PTPRN2: variants seen among roughly 807,000 people sequenced by gnomAD.
PTPRN2 encodes the protein receptor-type tyrosine-protein phosphatase N2.
In PTPRN2, 74 loss-of-function variants were observed where a neutral mutation model predicts 118.8. That is an observed-to-expected ratio of 0.62 (90% confidence interval 0.52 to 0.76). PTPRN2 has a LOEUF of 0.76. Ranked by LOEUF, PTPRN2 falls within the 30% of genes least tolerant of loss-of-function variation. The pLI, the probability that PTPRN2 is intolerant of heterozygous loss-of-function variation, is 0.00. For missense variants in PTPRN2, 1,481 were observed against 1,394.4 expected, an observed-to-expected ratio of 1.06 and a Z score of -0.99; for synonymous variants, 641 against 608.0, an observed-to-expected ratio of 1.05 and a Z score of -0.80.
intron 2 of PTPRN2, among the ~76,000 whole-genome samples, chr7:158,321,226 G>C (rs754302225): frequency 6.6e-6 from 1 of 152,064 alleles, no homozygotes; most frequent in African/African-American, 2.4e-5. Flanking sequence ...AACAATCCCG[G>C]GAAGTGGCAC....
At chr7:158,373,235 A>C (rs1031563389) in intron 2 of PTPRN2, among the ~76,000 whole-genome samples, 1 of 152,252 alleles carries the variant, frequency 6.6e-6, no homozygotes, top group African/African-American at 2.4e-5. Flanking sequence ...ATGGAAATAG[A>C]GTGCCAAATG....
At chr7:158,421,470 T>C (rs1022883371) in intron 2 of PTPRN2, among the ~76,000 whole-genome samples, 1 of 152,254 alleles carries the variant, frequency 6.6e-6, no homozygotes, top group Non-Finnish European at 1.5e-5. Context: ...TATTTTCCTC[T>C]TTGTAGTTTC....
At position 157,874,926 on chromosome 7, in the gene PTPRN2, C is replaced by T. The variant is rs1006637738; in HGVS notation, c.1788+23747G>A. Among the ~76,000 whole-genome samples the T allele has an allele frequency of 2.0e-5, 3 of 152,126 alleles. No homozygotes were observed. Among genetic ancestry groups the T allele is most frequent in the African/African-American group, 4.8e-5 (2 of 41,426 alleles). On this transcript the variant is annotated intron_variant, in intron 12 of 22. Coordinates refer to ENST00000389418, the MANE Select transcript of PTPRN2 (RefSeq NM_002847.5). The surrounding 1 kb of genome is among the most constrained non-coding windows in gnomAD (Gnocchi z 5.8). ...ATACACACACACTCATGCACATACACAGAGAAACACTTGTGCACGGAGACA... is the reference window on the plus strand; with the variant it reads ...ATACACACACACTCATGCACATACATAGAGAAACACTTGTGCACGGAGACA...
chr7:158,510,133 C>T (rs1586832647), intron 1 of PTPRN2, among the ~76,000 whole-genome samples: 2 of 152,300 alleles, frequency 1.3e-5, no homozygotes, highest in Non-Finnish European at 2.9e-5. Context: ...GATTTCAAGG[C>T]CACACCCCTA....
At chr7:157,809,546 C>A (rs73508123) in intron 12 of PTPRN2, among the ~76,000 whole-genome samples, 2,970 of 152,302 alleles carry the variant, frequency 0.02, 98 homozygotes, top group African/African-American at 0.065. Flanking sequence ...GCCTTCTGGA[C>A]ATAGGGTCTC....
intron 2 of PTPRN2, among the ~76,000 whole-genome samples, chr7:158,371,875 A>T (rs1810022921): frequency 6.6e-6 from 1 of 152,262 alleles, no homozygotes; most frequent in Admixed American, 6.5e-5. Flanking sequence ...TATTGAGAAA[A>T]GGAATATAAA....
intron 10 of PTPRN2, among the ~76,000 whole-genome samples, chr7:158,091,714 G>A (rs1401466046): frequency 1.4e-5 from 2 of 147,832 alleles, no homozygotes; most frequent in South Asian, 2.2e-4. Flanking sequence ...ATAGATAGAT[G>A]AGCAGAGAGA....
chr7:157,849,169 T>C (rs1809092611), intron 12 of PTPRN2, among the ~76,000 whole-genome samples: 1 of 151,826 alleles, frequency 6.6e-6, no homozygotes, highest in South Asian at 2.1e-4. Context: ...ATTCTTCGGG[T>C]TTCCCTCAGC....
At chr7:158,130,423 C>CAT (rs111909016) in intron 9 of PTPRN2, among the ~76,000 whole-genome samples, 2,712 of 147,850 alleles carry the variant, frequency 0.018, 68 homozygotes, top group African/African-American at 0.058. Context: ...CATACACACT[C>CAT]ACACACACAC....
In PTPRN2 at chr7:158,157,110, C is replaced by G. The variant is rs369071868; in HGVS notation, c.910+9821G>C. 3.2e-3 allele frequency among the ~76,000 whole-genome samples: 481 copies of G among 150,612 alleles called. 1 individual carries two copies. The highest frequency in any genetic ancestry group is 0.011 in the African/African-American group (441 of 40,982). ...AGGCCTCCCCATTGTGCTTACACAG[C>G]GGACAGCACGCCTGTTCCATGTGGC... On this transcript the variant is annotated intron_variant, in intron 6 of 22. Coordinates refer to ENST00000389418, the MANE Select transcript of PTPRN2 (RefSeq NM_002847.5).
intron 11 of PTPRN2, among the ~76,000 whole-genome samples, chr7:157,940,797 C>T (rs2128790714): frequency 2.2e-5 from 2 of 89,512 alleles, no homozygotes; most frequent in South Asian, 3.4e-4. Flanking sequence ...ACACCCTCCC[C>T]CATGACACTG....
intron 2 of PTPRN2, among the ~76,000 whole-genome samples, chr7:158,394,668 T>C (rs945864828): frequency 9.2e-5 from 14 of 152,360 alleles, no homozygotes; most frequent in African/African-American, 3.1e-4. Flanking sequence ...AGATTTTTGC[T>C]GCTGGGGGCC....
chr7:158,199,565 A>G (rs1421709824), intron 4 of PTPRN2, among the ~76,000 whole-genome samples: 1 of 152,198 alleles, frequency 6.6e-6, no homozygotes, highest in Non-Finnish European at 1.5e-5. Flanking sequence ...CAATCTCTGG[A>G]GATTAACTGC....
chr7:158,069,993 G>A lies in PTPRN2; in HGVS notation c.1723+11305C>T, dbSNP rs534709083. Among the ~76,000 whole-genome samples, 7 of 152,344 alleles carry A rather than the reference G, an allele frequency of 4.6e-5. No homozygotes were observed. In the South Asian group the frequency reaches 1.4e-3, roughly 32 times the overall value. On this transcript the variant is annotated intron_variant, in intron 11 of 22. Transcript: ENST00000389418. ...AGTCACAAAACAAGCAAATAGCTGG[G>A]AGGGTGCTGTGAACTCAAGTTCTAA...
Position 158,198,733 on chromosome 7 carries a change from G to C in PTPRN2, c.381-6238C>G, listed in dbSNP as rs546693958. 3.9e-3 allele frequency among the ~76,000 whole-genome samples: 527 copies of C among 134,382 alleles called. 2 individuals are homozygous for C. The highest frequency in any genetic ancestry group is 0.014 in the African/African-American group (497 of 35,224). The allele number at this position is 134,382 out of a possible 152,430, so 88.2% of individuals were successfully genotyped here. ...CTTCTCAGGTCCTCCTTAGCCCTTA[G>C]CATGTTCTTCTCAGGTTCTGGCTTC... On this transcript the variant is annotated intron_variant, in intron 4 of 22. Transcript: ENST00000389418.
At chr7:157,930,534 G>A (rs1351248841) in intron 11 of PTPRN2, among the ~76,000 whole-genome samples, 3 of 152,208 alleles carry the variant, frequency 2.0e-5, no homozygotes, top group Admixed American at 1.3e-4. Context: ...GCACACACAC[G>A]TGACCGTCGT....
At chr7:158,176,349 C>T (rs897851034) in intron 5 of PTPRN2, among the ~76,000 whole-genome samples, 2 of 152,136 alleles carry the variant, frequency 1.3e-5, no homozygotes, top group East Asian at 1.9e-4. Context: ...CCTTAATTTT[C>T]TCTAACCCTT....
At chr7:157,726,480 C>T (rs911409585) in intron 12 of PTPRN2, among the ~76,000 whole-genome samples, 1 of 152,276 alleles carries the variant, frequency 6.6e-6, no homozygotes, top group Non-Finnish European at 1.5e-5. Context: ...CGTGCGCTGA[C>T]TCACAGCGAA....
chr7:158,199,946 T>TA lies in PTPRN2; in HGVS notation c.380+5224dup, dbSNP rs535676992. 3.3e-5 allele frequency among the ~76,000 whole-genome samples: 5 copies of TA among 152,182 alleles called. No homozygotes were observed. In the South Asian group the frequency reaches 1.0e-3, roughly 32 times the overall value. On this transcript the variant is annotated intron_variant, in intron 4 of 22. Transcript: ENST00000389418. ...GAGGAATGAAACAAATCCATTACTA[T>TA]AAAATCGCTTGAAAATCTAGAGGTG... is the stretch of plus-strand genomic sequence containing the variant.
Sources: gnomAD v4.1 joint callset for allele counts (sites outside exome capture counted in the v4.1 genomes callset) on GRCh38, gnomAD v4.1.1 for gene constraint, Gnocchi (gnomAD v3.1) non-coding constraint, MANE v1.5 for transcripts, NCBI Gene and HGNC (gene_info 2026-07-23, HGNC 2026-07-21) for gene names.